The following ATRNL1 variants were observed in gnomAD, a reference collection of about 807,000 sequenced individuals.
ATRNL1 encodes attractin-like protein 1.
A neutral mutation model predicts 182.7 loss-of-function variants in ATRNL1; 95 were observed. That is an observed-to-expected ratio of 0.52 (90% CI 0.44 to 0.62). ATRNL1 has a LOEUF of 0.62. ATRNL1 is among the 20% of genes least tolerant of loss of function. ATRNL1 has a pLI of 0.00. For synonymous variants in ATRNL1, 576 were observed against 568.3 expected (o/e 1.01, Z -0.19); for missense variants, 1,471 against 1,679.5 (o/e 0.88, Z 2.17).
At chr10:115,213,178 T>C (rs1337391698) in intron 8 of ATRNL1, among the ~76,000 whole-genome samples, 1 of 152,134 alleles carries the variant, frequency 6.6e-6, no homozygotes, top group Non-Finnish European at 1.5e-5. Context: ...TTTTTGATCA[T>C]ATCTTTACAT....
chr10:115,495,144 G>A lies in ATRNL1; in HGVS notation c.3655-24119G>A, dbSNP rs370202296. ...AGAGGTGTTCATAGTAGTCTCTGTG[G>A]GTGTTTTGTATTTCTGTGGGAATGG... is the stretch of plus-strand genomic sequence containing the variant. On this transcript the variant is annotated intron_variant, in intron 24 of 28. Coordinates refer to ENST00000355044, the MANE Select transcript of ATRNL1 (RefSeq NM_207303.4). Among the ~76,000 whole-genome samples, 8 of 151,468 alleles carry A rather than the reference G, an allele frequency of 5.3e-5. 1 individual carries two copies. Among genetic ancestry groups the A allele is most frequent in the African/African-American group, 1.9e-4 (8 of 41,372 alleles).
chr10:115,450,095 T>A, intron 21 of ATRNL1, among the ~76,000 whole-genome samples: 1 of 151,350 alleles, frequency 6.6e-6, no homozygotes, highest in East Asian at 1.9e-4. Context: ...CTTTCTATAA[T>A]TAAAAACTAT....
chr10:115,382,456 A>AT (rs1218768196), intron 19 of ATRNL1, among the ~76,000 whole-genome samples: 244 of 152,004 alleles, frequency 1.6e-3, no homozygotes, highest in African/African-American at 5.7e-3. Flanking sequence ...ATATGAAATT[A>AT]TTTTTTTAAT....
At chr10:115,386,911 G>T (rs1374853551) in intron 19 of ATRNL1, among the ~76,000 whole-genome samples, 1 of 146,536 alleles carries the variant, frequency 6.8e-6, no homozygotes, top group African/African-American at 2.5e-5. Flanking sequence ...GAGAACATGC[G>T]GTGTTTGGTT....
At chr10:115,519,436 A>G (rs902557771) in intron 25 of ATRNL1, 112 bp downstream of exon 25, 8 of 827,448 alleles carry the variant, frequency 9.7e-6, no homozygotes, top group East Asian at 2.6e-5. Flanking sequence ...ATCATAGAGT[A>G]TGTCTTGAAT....
intron 26 of ATRNL1, among the ~76,000 whole-genome samples, chr10:115,560,267 G>T (rs1425139358): frequency 6.6e-6 from 1 of 152,114 alleles, no homozygotes; most frequent in Non-Finnish European, 1.5e-5. Context: ...AAAGAAAAGA[G>T]GCTTAATTGA....
At chr10:115,560,762 CA>C (rs1853657477) in intron 26 of ATRNL1, among the ~76,000 whole-genome samples, 1 of 150,800 alleles carries the variant, frequency 6.6e-6, no homozygotes, top group South Asian at 2.1e-4. Flanking sequence ...ACTTACTATG[CA>C]AGTATAGTAA....
At chr10:115,184,627 G>A (rs1299305869) in intron 8 of ATRNL1, among the ~76,000 whole-genome samples, 1 of 151,596 alleles carries the variant, frequency 6.6e-6, no homozygotes, top group Non-Finnish European at 1.5e-5. Flanking sequence ...TGACATGAAA[G>A]TATATTTACC....
At chr10:115,831,715 G>A (rs1201087536) in intron 27 of ATRNL1, among the ~76,000 whole-genome samples, 1 of 150,398 alleles carries the variant, frequency 6.6e-6, no homozygotes, top group Non-Finnish European at 1.5e-5. Context: ...TAAAGTTTGG[G>A]TAGTAAAGGC....
chr10:115,657,643 G>T (rs1860410455), intron 26 of ATRNL1, among the ~76,000 whole-genome samples: 1 of 152,088 alleles, frequency 6.6e-6, no homozygotes, highest in Non-Finnish European at 1.5e-5. Context: ...GGCATTGCAG[G>T]ATCTTTAGAA....
rs369649380 is a variant in ATRNL1, at chr10:115,516,010, A to G, written c.3655-3253A>G. Among the ~76,000 whole-genome samples the G allele has an allele frequency of 2.5e-4, 38 of 151,764 alleles. No individual in the cohort carries two copies. The South Asian group carries it at 7.7e-3, about 31-fold the overall frequency. On this transcript the variant is annotated intron_variant, in intron 24 of 28. Transcript: ENST00000355044. Reference sequence around the variant, plus strand: ...CTTAGAGATAATTTCTCCTGCATCTATTCTGTCTCCTAGGGACTATCAAAC... The same window carrying G: ...CTTAGAGATAATTTCTCCTGCATCTGTTCTGTCTCCTAGGGACTATCAAAC...
intron 27 of ATRNL1, among the ~76,000 whole-genome samples, chr10:115,762,023 T>G (rs1948744737): frequency 6.6e-6 from 1 of 152,054 alleles, no homozygotes; most frequent in Non-Finnish European, 1.5e-5. Context: ...AATAAACATC[T>G]CCAAATTATG....
intron 12 of ATRNL1, among the ~76,000 whole-genome samples, chr10:115,267,914 A>C (rs1232111690): frequency 6.6e-6 from 1 of 152,112 alleles, no homozygotes; most frequent in African/African-American, 2.4e-5. Flanking sequence ...GGCATGTGCC[A>C]CTATGCCTGG....
rs192160599 is a variant in ATRNL1, at chr10:115,736,390, C to T, written c.3903+9035C>T. 1.8e-4 allele frequency among the ~76,000 whole-genome samples: 27 copies of T among 151,958 alleles called. 1 individual carries two copies. The highest frequency in any genetic ancestry group is 4.6e-4 in the Admixed American group (7 of 15,256). On this transcript the variant is annotated intron_variant, in intron 27 of 28. Coordinates refer to ENST00000355044, the MANE Select transcript of ATRNL1 (RefSeq NM_207303.4). ...ATTTTATTATTTATTTATTAAAGTT[C>T]TATTTGGTTCTTTTTTTAAATCTGA...
intron 5 of ATRNL1, among the ~76,000 whole-genome samples, chr10:115,155,795 A>T (rs1021452567): frequency 2.6e-5 from 4 of 152,116 alleles, no homozygotes; most frequent in Non-Finnish European, 5.9e-5. Flanking sequence ...TGCATTCTGG[A>T]TAGTTGAATG....
intron 26 of ATRNL1, among the ~76,000 whole-genome samples, chr10:115,559,160 A>C (rs1487958499): frequency 6.6e-6 from 1 of 152,206 alleles, no homozygotes; most frequent in Non-Finnish European, 1.5e-5. Flanking sequence ...AACATTATTT[A>C]AGAGAGTTAT....
At chr10:115,276,540 G>A (rs1852113424) in intron 13 of ATRNL1, among the ~76,000 whole-genome samples, 1 of 152,182 alleles carries the variant, frequency 6.6e-6, no homozygotes, top group African/African-American at 2.4e-5. Flanking sequence ...GATGTAATGT[G>A]TCCTTTAGAC....
At chr10:115,449,390 T>A (rs1238015912) in intron 21 of ATRNL1, among the ~76,000 whole-genome samples, 2 of 152,140 alleles carry the variant, frequency 1.3e-5, no homozygotes, top group South Asian at 4.1e-4. Context: ...CCACCTCCCC[T>A]TCCCACTGCA....
At chr10:115,752,833 G>A (rs1555070960) in intron 27 of ATRNL1, among the ~76,000 whole-genome samples, 2 of 152,036 alleles carry the variant, frequency 1.3e-5, no homozygotes, top group African/African-American at 4.8e-5. Context: ...AGTATTTTAA[G>A]TAAGTAGCGT....
Sources: allele counts gnomAD v4.1 joint callset (sites outside exome capture counted in the v4.1 genomes callset), GRCh38; gene constraint gnomAD v4.1.1; transcripts MANE v1.5; gene names NCBI Gene and HGNC (gene_info 2026-07-23, HGNC 2026-07-21).